CSMD1: variants seen among roughly 807,000 people sequenced by gnomAD.
CSMD1 encodes the protein CUB and Sushi multiple domains 1.
Under a neutral mutation model 417.5 loss-of-function variants are expected in CSMD1, and 213 were observed. That is an observed-to-expected ratio of 0.51 (90% CI 0.46 to 0.57). CSMD1 has a LOEUF of 0.57. Ranked by LOEUF, CSMD1 falls within the 20% of genes least tolerant of loss-of-function variation. The pLI is 0.00. For missense variants in CSMD1, 6,923 were observed against 4,529.7 expected (o/e 1.53, Z -15.17); for synonymous variants, 2,862 against 1,736.8 (o/e 1.65, Z -16.11).
intron 3 of CSMD1, among the ~76,000 whole-genome samples, chr8:4,091,212 C>T (rs1024705244): frequency 6.6e-6 from 1 of 151,884 alleles, no homozygotes; most frequent in Non-Finnish European, 1.5e-5. Context: ...AACCACCACG[C>T]CCTGCCAAAA....
chr8:4,158,529 T>C (rs1796966874), intron 3 of CSMD1, among the ~76,000 whole-genome samples: 1 of 152,102 alleles, frequency 6.6e-6, no homozygotes, highest in Non-Finnish European at 1.5e-5. Flanking sequence ...GAAACAGTAA[T>C]ATTAACACAG....
intron 5 of CSMD1, among the ~76,000 whole-genome samples, chr8:3,937,646 G>A (rs1261829049): frequency 6.6e-6 from 1 of 152,168 alleles, no homozygotes; most frequent in Non-Finnish European, 1.5e-5. Context: ...GTCATCTGAA[G>A]CCAAACTTGC....
chr8:2,969,254 A>G (rs1278911385), intron 57 of CSMD1, among the ~76,000 whole-genome samples: 1 of 152,150 alleles, frequency 6.6e-6, no homozygotes, highest in African/African-American at 2.4e-5. Flanking sequence ...TGTTATTTTC[A>G]TCATCATCAC....
chr8:3,300,869 G>A (rs1804337621), intron 25 of CSMD1, among the ~76,000 whole-genome samples: 1 of 140,442 alleles, frequency 7.1e-6, no homozygotes, highest in African/African-American at 2.6e-5. Flanking sequence ...TGAGGCAGGA[G>A]AATTGCTTGA....
At chr8:2,953,527 G>C (rs1424125029) in intron 65 of CSMD1, among the ~76,000 whole-genome samples, 3 of 150,484 alleles carry the variant, frequency 2.0e-5, no homozygotes, top group African/African-American at 4.9e-5. Context: ...ATTTACAAAG[G>C]ATTTCTGTTT....
chr8:3,207,289 C>A lies in CSMD1; in HGVS notation c.4868-1669G>T, dbSNP rs187977955. On this transcript the variant is annotated intron_variant, in intron 30 of 69. Transcript: ENST00000635120. The stretch of plus-strand genomic sequence containing the variant: ...AGCCTCCCGAGTAGCTGCAATTACT[C>A]GGCGCCCGCCAACACACCTGGCTGA... Among the ~76,000 whole-genome samples the A allele has an allele frequency of 3.2e-3, 479 of 150,616 alleles. 5 individuals carry two copies. The highest frequency in any genetic ancestry group is 0.011 in the African/African-American group (447 of 41,112).
chr8:4,229,252 G>A (rs780586543), intron 3 of CSMD1, among the ~76,000 whole-genome samples: 11 of 152,210 alleles, frequency 7.2e-5, no homozygotes, highest in East Asian at 5.8e-4. Flanking sequence ...CTCAAAAGAC[G>A]CTGAGATGCT....
At chr8:3,063,506 C>G (rs1011637641) in intron 49 of CSMD1, among the ~76,000 whole-genome samples, 5 of 152,062 alleles carry the variant, frequency 3.3e-5, no homozygotes, top group African/African-American at 9.7e-5. Context: ...GCTAAATACC[C>G]AAAAGGATTA....
At chr8:3,543,695 T>A (rs74896465) in intron 10 of CSMD1, among the ~76,000 whole-genome samples, 2,817 of 152,014 alleles carry the variant, frequency 0.019, 82 homozygotes, top group African/African-American at 0.065. Flanking sequence ...GGAACAGGTT[T>A]TGTAGAGGAG....
intron 6 of CSMD1, among the ~76,000 whole-genome samples, chr8:3,726,794 G>T (rs550355203): frequency 4.6e-5 from 7 of 152,162 alleles, no homozygotes; most frequent in Non-Finnish European, 1.0e-4. Flanking sequence ...TGATGGAAAT[G>T]AGTTGTGCAA....
chr8:3,487,696 T>C (rs1198282544), intron 11 of CSMD1, among the ~76,000 whole-genome samples: 1 of 152,170 alleles, frequency 6.6e-6, no homozygotes. Flanking sequence ...ACAAACACAT[T>C]GTCAAGAAGG....
At chr8:3,510,522 G>C (rs1256013794) in intron 10 of CSMD1, among the ~76,000 whole-genome samples, 1 of 151,722 alleles carries the variant, frequency 6.6e-6, no homozygotes, top group Non-Finnish European at 1.5e-5. Flanking sequence ...AATCTTAGAA[G>C]GTCTTTAAAG....
At chr8:3,467,110 A>G (rs1040025093) in intron 12 of CSMD1, among the ~76,000 whole-genome samples, 1 of 152,196 alleles carries the variant, frequency 6.6e-6, no homozygotes, top group African/African-American at 2.4e-5. Flanking sequence ...ATTAGGGTAA[A>G]ATGTAATTAT....
chr8:3,955,432 A>T (rs1224789875), intron 5 of CSMD1, among the ~76,000 whole-genome samples: 3 of 152,238 alleles, frequency 2.0e-5, no homozygotes, highest in African/African-American at 7.2e-5. Flanking sequence ...GTCAACAAAT[A>T]AACCAGAATG....
At chr8:3,125,224 T>C (rs548774033) in intron 41 of CSMD1, among the ~76,000 whole-genome samples, 1 of 152,342 alleles carries the variant, frequency 6.6e-6, no homozygotes, top group South Asian at 2.1e-4. Flanking sequence ...TGTTGCATCC[T>C]GTTTAGTGTG....
intron 5 of CSMD1, among the ~76,000 whole-genome samples, chr8:3,831,168 T>G (rs1342746352): frequency 6.6e-6 from 1 of 152,178 alleles, no homozygotes; most frequent in South Asian, 2.1e-4. Flanking sequence ...CCAATTTATC[T>G]AGAGACTCTA....
At chr8:4,511,816 G>A (rs971136872) in intron 2 of CSMD1, among the ~76,000 whole-genome samples, 2 of 152,106 alleles carry the variant, frequency 1.3e-5, no homozygotes, top group East Asian at 3.9e-4. Flanking sequence ...CACATTATGA[G>A]TTTTACTTCC....
chr8:4,125,062 C>A (rs1345237416), intron 3 of CSMD1, among the ~76,000 whole-genome samples: 1 of 152,066 alleles, frequency 6.6e-6, no homozygotes, highest in Non-Finnish European at 1.5e-5. Context: ...CTGTAACACT[C>A]GCCGCTGCAG....
At chr8:4,090,074 A>C (rs1800636432) in intron 3 of CSMD1, among the ~76,000 whole-genome samples, 1 of 152,214 alleles carries the variant, frequency 6.6e-6, no homozygotes. Context: ...CGAATGAGCA[A>C]AACTTAACTT....
Sources: allele counts gnomAD v4.1 joint callset (sites outside exome capture counted in the v4.1 genomes callset), GRCh38; gene constraint gnomAD v4.1.1; transcripts MANE v1.5; gene names NCBI Gene and HGNC (gene_info 2026-07-23, HGNC 2026-07-21).